The following GNAI1 variants were observed in gnomAD, a reference collection of about 807,000 sequenced individuals.
The protein encoded by GNAI1 is G protein subunit alpha i1, also known as guanine nucleotide-binding protein G(i) subunit alpha-1.
A neutral mutation model predicts 38.9 loss-of-function variants in GNAI1; 11 were observed. The observed-to-expected ratio is 0.28, with a 90% CI of 0.18 to 0.47. The LOEUF (loss-of-function observed/expected upper bound fraction) is 0.47. GNAI1 is among the 20% of genes least tolerant of loss of function. The pLI is 0.99. For missense variants in GNAI1, 317 were observed against 436.9 expected (o/e 0.73, Z 2.45); for synonymous variants, 166 against 145.1 (o/e 1.14, Z -1.04).
intron 1 of GNAI1, among the ~76,000 whole-genome samples, chr7:80,161,626 T>C (rs142322264): frequency 6.6e-6 from 1 of 152,332 alleles, no homozygotes; most frequent in Admixed American, 6.5e-5. Flanking sequence ...CAATATAAAC[T>C]CTCTTAGTTT....
intron 7 of GNAI1, 147 bp from the exon 8 acceptor site, chr7:80,217,156 A>G (rs1010388194): frequency 8.3e-5 from 23 of 277,708 alleles, no homozygotes; most frequent in Non-Finnish European, 1.3e-5. Context: ...AGTGTCTCCC[A>G]TTCTAGAAGG....
chr7:80,183,254 G>C (rs560473701), intron 1 of GNAI1, among the ~76,000 whole-genome samples: 1 of 152,174 alleles, frequency 6.6e-6, no homozygotes, highest in East Asian at 1.9e-4. Flanking sequence ...AGAATTGAAC[G>C]TTTTATTTTT....
intron 7 of GNAI1, among the ~76,000 whole-genome samples, chr7:80,214,721 G>A (rs1562845704): frequency 3.9e-5 from 6 of 152,106 alleles, no homozygotes. Context: ...ACCCTGTGTA[G>A]CCCCTAAACA....
At position 80,223,085 on chromosome 7, in the gene GNAI1, T is replaced by C. The variant is rs904216388; in HGVS notation, c.*5592T>C. 4.6e-5 allele frequency among the ~76,000 whole-genome samples: 7 copies of C among 152,188 alleles called. No individual in the cohort carries two copies. The highest frequency in any genetic ancestry group is 1.3e-4 in the Admixed American group (2 of 15,278). ...TTGCATGGGTACTTGAAATATGGTT[T>C]CTAACTGAATGCATACCAGTTTCGC... is the stretch of plus-strand genomic sequence containing the variant. On this transcript the variant is annotated 3_prime_UTR_variant, in exon 8 of 8. Transcript: ENST00000649796.
chr7:80,211,500 C>T (rs894357392), intron 6 of GNAI1, among the ~76,000 whole-genome samples: 3 of 151,898 alleles, frequency 2.0e-5, no homozygotes, highest in East Asian at 1.9e-4. Context: ...TCACTGCAAC[C>T]TCCACCTCCC....
chr7:80,156,564 G>A (rs1290556929), intron 1 of GNAI1, among the ~76,000 whole-genome samples: 3 of 152,014 alleles, frequency 2.0e-5, no homozygotes, highest in Non-Finnish European at 4.4e-5. Flanking sequence ...AAGTAACTGG[G>A]ACTGCAGGTA....
At chr7:80,135,806 C>G (rs1402451124) in intron 1 of GNAI1, 7 of 985,418 alleles carry the variant, frequency 7.1e-6, no homozygotes, top group Non-Finnish European at 8.4e-6. Flanking sequence ...AAGCGTCTTT[C>G]CTGTTAACTT....
Position 80,220,948 on chromosome 7 carries a change from A to C in GNAI1, c.*3455A>C, listed in dbSNP as rs1465854148. 6.6e-6 allele frequency among the ~76,000 whole-genome samples: 1 copy of C among 152,192 alleles called. No individual in the cohort carries two copies. The highest frequency in any genetic ancestry group is 6.5e-5 in the Admixed American group (1 of 15,274). On this transcript the variant is annotated 3_prime_UTR_variant, in exon 8 of 8. Coordinates refer to ENST00000649796, the MANE Select transcript of GNAI1 (RefSeq NM_002069.6). ...AAGGAGATACTTATTAATGTCTTTC[A>C]TCAGAGCTATTTTTTACTCCTTAGA...
Position 80,219,587 on chromosome 7 carries a change from G to A in GNAI1, c.*2094G>A, listed in dbSNP as rs1789037554. 3.3e-5 allele frequency among the ~76,000 whole-genome samples: 5 copies of A among 152,194 alleles called. No homozygotes were observed. In the South Asian group the frequency reaches 8.3e-4, roughly 25 times the overall value. On this transcript the variant is annotated 3_prime_UTR_variant, in exon 8 of 8. Coordinates refer to ENST00000649796, the MANE Select transcript of GNAI1 (RefSeq NM_002069.6). ...TTGCCTTCTTGATATCCCCTTCTGAGAATGCATTGCCTGCTTTTTAACTCA... is the reference window on the plus strand; with the variant it reads ...TTGCCTTCTTGATATCCCCTTCTGAAAATGCATTGCCTGCTTTTTAACTCA...
intron 1 of GNAI1, among the ~76,000 whole-genome samples, chr7:80,166,218 A>G (rs956881703): frequency 1.3e-5 from 2 of 152,176 alleles, no homozygotes; most frequent in African/African-American, 4.8e-5. Context: ...GTGAGCATAT[A>G]AGGACAAAAA....
At chr7:80,177,374 G>C (rs750069254) in intron 1 of GNAI1, among the ~76,000 whole-genome samples, 1 of 152,118 alleles carries the variant, frequency 6.6e-6, no homozygotes, top group Non-Finnish European at 1.5e-5. Flanking sequence ...CTTAAGCCCA[G>C]TGTTAAGACC....
intron 1 of GNAI1, among the ~76,000 whole-genome samples, chr7:80,167,143 C>T (rs1367279570): frequency 1.3e-5 from 2 of 152,158 alleles, no homozygotes; most frequent in African/African-American, 2.4e-5. Context: ...TGGAGTTACC[C>T]CTTCAGCCTC....
In GNAI1 at chr7:80,203,735, C is replaced by G. The variant is rs745806214; in HGVS notation, c.493C>G (p.Pro165Ala). 3.8e-6 allele frequency: 6 copies of G among 1,593,774 alleles called. No homozygotes were observed. The East Asian group carries it at 9.0e-5, about 24-fold the overall frequency. Reference sequence around the variant, plus strand: ...GAATGACTTGGACAGAATAGCTCAACCAAATTACATCCCGACTCAACAAGA... The same window carrying G: ...GAATGACTTGGACAGAATAGCTCAAGCAAATTACATCCCGACTCAACAAGA... Reference protein sequence around the residue: ...YLNDLDRIAQPNYIPTQQDVL... With the variant: ...YLNDLDRIAQANYIPTQQDVL... The change falls in exon 5 of 8, where the codon CCA becomes GCA. Residue 165 changes from proline to alanine, a missense_variant. By Grantham distance (27) the Pro-to-Ala change is conservative (BLOSUM62 -1). This residue lies in a region of GNAI1 where 158 missense variants were observed against 234.7 expected (regional missense o/e 0.67). Coordinates refer to ENST00000649796, the MANE Select transcript of GNAI1 (RefSeq NM_002069.6).
intron 1 of GNAI1, among the ~76,000 whole-genome samples, chr7:80,148,140 T>C (rs1787660230): frequency 6.6e-6 from 1 of 152,200 alleles, no homozygotes; most frequent in Non-Finnish European, 1.5e-5. Flanking sequence ...GAATGCAGTT[T>C]ATAGGTCAGG....
chr7:80,137,122 C>T (rs1393536929), intron 1 of GNAI1, among the ~76,000 whole-genome samples: 1 of 151,968 alleles, frequency 6.6e-6, no homozygotes, highest in Non-Finnish European at 1.5e-5. Context: ...GGGCAAAATA[C>T]AGCGTTAGTT....
intron 1 of GNAI1, among the ~76,000 whole-genome samples, chr7:80,183,024 G>A (rs10252512): frequency 0.91 from 138,655 of 152,192 alleles, 63,203 homozygotes; most frequent in East Asian, 1. Flanking sequence ...AAACTGGGAG[G>A]CAGGATGCTA....
intron 1 of GNAI1, among the ~76,000 whole-genome samples, chr7:80,151,758 C>T (rs575962697): frequency 6.6e-6 from 1 of 152,336 alleles, no homozygotes; most frequent in African/African-American, 2.4e-5. Context: ...TACCTATTGT[C>T]TGCTACAGAC....
intron 1 of GNAI1, chr7:80,135,611 A>C (rs1292587292): frequency 3.7e-6 from 1 of 267,262 alleles, no homozygotes; most frequent in African/African-American, 2.3e-5. Context: ...TCAGCCTTGT[A>C]AAGATGAAGG....
chr7:80,164,328 A>G (rs1787977308), intron 1 of GNAI1, among the ~76,000 whole-genome samples: 1 of 149,918 alleles, frequency 6.7e-6, no homozygotes, highest in South Asian at 2.1e-4. Flanking sequence ...GGCGTAAGCC[A>G]CCGCACCTGG....
Sources: allele counts gnomAD v4.1 joint callset (sites outside exome capture counted in the v4.1 genomes callset), GRCh38; gene constraint gnomAD v4.1.1; regional missense constraint gnomAD v4.1.1; transcripts MANE v1.5; gene names NCBI Gene and HGNC (gene_info 2026-07-23, HGNC 2026-07-21).